RSPO2: variants seen among roughly 807,000 people sequenced by gnomAD.
The protein encoded by RSPO2 is R-spondin 2, also known as R-spondin-2.
RSPO2 carries 14 observed loss-of-function variants against 30.9 expected under a neutral mutation model. The ratio of observed to expected loss-of-function variants is 0.45; its 90% CI spans 0.30 to 0.71. The LOEUF is 0.71. RSPO2 is among the 30% of genes least tolerant of loss of function. The pLI, the probability that RSPO2 is intolerant of heterozygous loss-of-function variation, is 0.08. For missense variants in RSPO2, 264 were observed against 301.9 expected, an observed-to-expected ratio of 0.87 and a Z score of 0.93; for synonymous variants, 107 against 96.4, an observed-to-expected ratio of 1.11 and a Z score of -0.64.
intron 5 of RSPO2, among the ~76,000 whole-genome samples, chr8:107,943,731 A>G (rs1429992756): frequency 6.6e-6 from 1 of 152,226 alleles, no homozygotes; most frequent in African/African-American, 2.4e-5. Flanking sequence ...AATTATACCA[A>G]ATAGAGGAAG....
chr8:107,982,356 C>A (rs1204570019), intron 3 of RSPO2, among the ~76,000 whole-genome samples: 1 of 152,146 alleles, frequency 6.6e-6, no homozygotes, highest in Non-Finnish European at 1.5e-5. Context: ...GAATCCTTAA[C>A]CTTGATTGAC....
At chr8:107,988,809 G>A (rs1207284920) in intron 3 of RSPO2, among the ~76,000 whole-genome samples, 1 of 152,132 alleles carries the variant, frequency 6.6e-6, no homozygotes, top group South Asian at 2.1e-4. Flanking sequence ...TGTATTTTTA[G>A]TAGAGATGGG....
intron 5 of RSPO2, among the ~76,000 whole-genome samples, chr8:107,908,334 T>C (rs763509666): frequency 6.6e-6 from 1 of 152,178 alleles, no homozygotes; most frequent in Non-Finnish European, 1.5e-5. Context: ...CAAAACAGTT[T>C]GAAGACAGGA....
Position 107,903,829 on chromosome 8 carries a change from T to A in RSPO2, c.617-2639A>T, listed in dbSNP as rs193166670. On this transcript the variant is annotated intron_variant, in intron 5 of 5. Transcript: ENST00000276659. ...TTTCTCACATAAGACATATTGCAAA[T>A]ACCGAGGAATTAAGATGGTTAGCCA... 7.9e-5 allele frequency among the ~76,000 whole-genome samples: 12 copies of A among 152,110 alleles called. No homozygotes were observed. The East Asian group carries it at 2.3e-3, about 29-fold the overall frequency.
intron 5 of RSPO2, among the ~76,000 whole-genome samples, chr8:107,939,317 A>C (rs1812816480): frequency 6.6e-6 from 1 of 152,206 alleles, no homozygotes; most frequent in South Asian, 2.1e-4. Flanking sequence ...GTTTTCTTCT[A>C]AAATTGAATA....
At chr8:108,078,690 ATATC>A (rs914257558) in intron 2 of RSPO2, among the ~76,000 whole-genome samples, 30 of 152,346 alleles carry the variant, frequency 2.0e-4, no homozygotes, top group African/African-American at 6.5e-4. Flanking sequence ...GGAAGAAACT[ATATC>A]TAATTTTGTG....
At chr8:107,957,466 T>C (rs970882411) in intron 5 of RSPO2, among the ~76,000 whole-genome samples, 1 of 152,206 alleles carries the variant, frequency 6.6e-6, no homozygotes, top group African/African-American at 2.4e-5. Flanking sequence ...CTAATCCTGT[T>C]ATTACAGAAT....
intron 3 of RSPO2, among the ~76,000 whole-genome samples, chr8:107,984,252 T>C (rs1045251389): frequency 7.7e-4 from 117 of 152,378 alleles, no homozygotes; most frequent in African/African-American, 2.7e-3. Flanking sequence ...AATAATTTCT[T>C]CCAAGCAACA....
chr8:107,920,398 G>T (rs1812121277), intron 5 of RSPO2, among the ~76,000 whole-genome samples: 2 of 151,938 alleles, frequency 1.3e-5, no homozygotes. Context: ...CTATCCAAAA[G>T]GTTTCTATAA....
At chr8:107,954,910 C>T (rs1813373441) in intron 5 of RSPO2, among the ~76,000 whole-genome samples, 1 of 152,112 alleles carries the variant, frequency 6.6e-6, no homozygotes, top group Admixed American at 6.6e-5. Flanking sequence ...CGCCTGGCCT[C>T]TCTTTTTTCC....
At chr8:107,995,056 A>G (rs1814969247) in intron 2 of RSPO2, among the ~76,000 whole-genome samples, 2 of 152,166 alleles carry the variant, frequency 1.3e-5, no homozygotes, top group Admixed American at 1.3e-4. Context: ...GGACCAAACA[A>G]GAAACAAGGC....
At chr8:107,943,776 C>T (rs1812972290) in intron 5 of RSPO2, among the ~76,000 whole-genome samples, 1 of 152,124 alleles carries the variant, frequency 6.6e-6, no homozygotes, top group South Asian at 2.1e-4. Flanking sequence ...CATTTGAGGC[C>T]AAAATTACTT....
At chr8:107,980,456 A>T (rs1465107853) in intron 3 of RSPO2, among the ~76,000 whole-genome samples, 4 of 152,192 alleles carry the variant, frequency 2.6e-5, no homozygotes, top group African/African-American at 9.7e-5. Context: ...AAATTAAAGA[A>T]TATTATAGGC....
At chr8:107,935,649 G>A (rs1812699994) in intron 5 of RSPO2, among the ~76,000 whole-genome samples, 1 of 152,062 alleles carries the variant, frequency 6.6e-6, no homozygotes, top group Admixed American at 6.6e-5. Context: ...ATGAATAAAG[G>A]ACCTAGGTTC....
intron 2 of RSPO2, among the ~76,000 whole-genome samples, chr8:107,992,922 T>A (rs866816795): frequency 1.8e-4 from 27 of 151,838 alleles, no homozygotes; most frequent in African/African-American, 6.1e-4. Flanking sequence ...TAATTTTTTT[T>A]AAAGCATTAA....
intron 5 of RSPO2, among the ~76,000 whole-genome samples, chr8:107,932,055 A>G (rs923410994): frequency 6.6e-6 from 1 of 152,218 alleles, no homozygotes; most frequent in Non-Finnish European, 1.5e-5. Context: ...TCTTGGCAAC[A>G]TGATAAATAT....
intron 5 of RSPO2, among the ~76,000 whole-genome samples, chr8:107,930,876 T>C (rs1326611205): frequency 6.6e-6 from 1 of 152,154 alleles, no homozygotes; most frequent in Non-Finnish European, 1.5e-5. Context: ...CCCATGACCA[T>C]ATAATATGGT....
At chr8:107,994,176 A>G (rs191905777) in intron 2 of RSPO2, among the ~76,000 whole-genome samples, 9 of 152,258 alleles carry the variant, frequency 5.9e-5, no homozygotes, top group Admixed American at 5.9e-4. Context: ...ACACAAATGT[A>G]TACATTTGCA....
intron 2 of RSPO2, among the ~76,000 whole-genome samples, chr8:108,036,714 A>G (rs1307828263): frequency 6.6e-6 from 1 of 152,198 alleles, no homozygotes; most frequent in Non-Finnish European, 1.5e-5. Context: ...GTTGTTTTAT[A>G]TATTGAAGGT....
Sources: allele counts gnomAD v4.1 joint callset (sites outside exome capture counted in the v4.1 genomes callset), GRCh38; gene constraint gnomAD v4.1.1; transcripts MANE v1.5; gene names NCBI Gene and HGNC (gene_info 2026-07-23, HGNC 2026-07-21).